The following ZNF423 variants were observed in gnomAD, a reference collection of about 807,000 sequenced individuals.
ZNF423 encodes Ebf-associated zinc finger protein.
ZNF423 carries 12 observed loss-of-function variants against 95.8 expected under a neutral mutation model. That is an observed-to-expected ratio of 0.13 (90% CI 0.08 to 0.20). ZNF423 has a LOEUF of 0.20. ZNF423 is among the 10% of genes least tolerant of loss of function. ZNF423 has a pLI of 1.00. For synonymous variants in ZNF423, 749 were observed against 711.9 expected, an observed-to-expected ratio of 1.05 and a Z score of -0.83; for missense variants, 1,316 against 1,737.1, an observed-to-expected ratio of 0.76 and a Z score of 4.31.
At chr16:49,538,507 TA>T in intron 5 of ZNF423, among the ~76,000 whole-genome samples, 1 of 152,326 alleles carries the variant, frequency 6.6e-6, no homozygotes, top group East Asian at 1.9e-4. Context: ...ACTGCCTGGA[TA>T]ATCCTCCCCA....
intron 1 of ZNF423, among the ~76,000 whole-genome samples, chr16:49,820,097 AATGGATGGACAG>A (rs941899110): frequency 2.6e-5 from 4 of 151,602 alleles, no homozygotes; most frequent in African/African-American, 9.7e-5. Context: ...TGGATGGATG[AATGGATGGACAG>A]ATGGATGGAC....
intron 1 of ZNF423, among the ~76,000 whole-genome samples, chr16:49,853,281 G>C (rs1292034296): frequency 8.0e-6 from 1 of 125,054 alleles, no homozygotes; most frequent in Non-Finnish European, 1.6e-5. Flanking sequence ...TTTGAATATT[G>C]CTTAAGAGAA....
At chr16:49,728,477 G>T (rs11644536) in intron 3 of ZNF423, among the ~76,000 whole-genome samples, 1 of 152,168 alleles carries the variant, frequency 6.6e-6, no homozygotes, top group Non-Finnish European at 1.5e-5. Flanking sequence ...GGTCCTGTTA[G>T]GAAGCGGGCA....
intron 3 of ZNF423, among the ~76,000 whole-genome samples, chr16:49,663,837 C>T (rs1466853946): frequency 6.6e-6 from 1 of 152,170 alleles, no homozygotes; most frequent in East Asian, 1.9e-4. Flanking sequence ...TGCCGCAGGG[C>T]CCCACCCAGG....
rs1567343726 is a variant in ZNF423, at chr16:49,789,476, C to CG, written c.100+10dup. 1.2e-6 allele frequency: 2 copies of CG among 1,611,258 alleles called. No homozygotes were observed. The highest frequency in any genetic ancestry group is 1.7e-4 in the Middle Eastern group (1 of 6,052). ...CCCCTGCAACTCTTCCACCAGCCCCCGGGCATTTACCTGCTGCTGTCACGG... is the reference window on the plus strand; with the variant it reads ...CCCCTGCAACTCTTCCACCAGCCCCCGGGGCATTTACCTGCTGCTGTCACGG... On this transcript the variant is annotated intron_variant, in intron 2 of 7. Transcript: ENST00000563137.
At chr16:49,671,415 C>T (rs1290631242) in intron 3 of ZNF423, among the ~76,000 whole-genome samples, 1 of 152,216 alleles carries the variant, frequency 6.6e-6, no homozygotes, top group Non-Finnish European at 1.5e-5. Context: ...CCATGAGGTC[C>T]CAAGCACGCG....
chr16:49,793,108 C>T (rs995917363), intron 1 of ZNF423, among the ~76,000 whole-genome samples: 4 of 151,990 alleles, frequency 2.6e-5, no homozygotes, highest in Non-Finnish European at 5.9e-5. Flanking sequence ...ACCCAACCCC[C>T]CACCACCCCC....
At chr16:49,706,142 A>T (rs1408810809) in intron 3 of ZNF423, among the ~76,000 whole-genome samples, 1 of 152,182 alleles carries the variant, frequency 6.6e-6, no homozygotes, top group Admixed American at 6.5e-5. Context: ...AGGGCCAGAC[A>T]TGACCACAAA....
chr16:49,725,975 C>G (rs1017162141), intron 3 of ZNF423, among the ~76,000 whole-genome samples: 2 of 152,218 alleles, frequency 1.3e-5, no homozygotes, highest in African/African-American at 4.8e-5. Context: ...TATTCCAAGG[C>G]AAGTGCCTGG....
chr16:49,636,942 A>G lies in ZNF423; in HGVS notation c.2234T>C (p.Val745Ala), dbSNP rs780565403. ...ATTGCTGTGCTTCACCGCCAGGTGC[A>G]CCTGGATGGACACCTTGGAGTCGAA... ...EVFDSKVSIQVHLAVKHSNEK... is the reference protein window; with the variant it reads ...EVFDSKVSIQAHLAVKHSNEK... Residue 745 changes from valine to alanine, a missense_variant, in exon 4 of 8, where the codon GTG becomes GCG. Val to Ala is a moderately conservative substitution (Grantham distance 64). Coordinates refer to ENST00000563137, the MANE Select transcript of ZNF423 (RefSeq NM_001379286.1). The surrounding 1 kb of genome is among the most constrained non-coding windows in gnomAD (Gnocchi z 8.6). 3 of 1,613,648 alleles carry G rather than the reference A, an allele frequency of 1.9e-6. No individual in the cohort carries two copies. The highest frequency in any genetic ancestry group is 2.5e-6 in the Non-Finnish European group (3 of 1,179,992).
At chr16:49,589,272 A>T (rs190737989) in intron 5 of ZNF423, among the ~76,000 whole-genome samples, 2 of 152,264 alleles carry the variant, frequency 1.3e-5, no homozygotes, top group African/African-American at 4.8e-5. Flanking sequence ...TCAGACAAAG[A>T]GATAAGACAA....
rs544393672 is a variant in ZNF423, at chr16:49,589,743, A to T, written c.3601+36427T>A. 1.7e-4 allele frequency among the ~76,000 whole-genome samples: 26 copies of T among 152,202 alleles called. No homozygotes were observed. The East Asian group carries it at 4.8e-3, about 28-fold the overall frequency. On this transcript the variant is annotated intron_variant, in intron 5 of 7. Coordinates refer to ENST00000563137, the MANE Select transcript of ZNF423 (RefSeq NM_001379286.1). ...CAACATCGTCTCTGTTAGGACTTTT[A>T]ATGAAGCCCCAGTTGTGATGACACT... is the stretch of plus-strand genomic sequence containing the variant.
chr16:49,677,561 G>T (rs1198293827), intron 3 of ZNF423, among the ~76,000 whole-genome samples: 1 of 152,008 alleles, frequency 6.6e-6, no homozygotes, highest in Non-Finnish European at 1.5e-5. Context: ...GAGGCAGGAG[G>T]ATTGCTTGAG....
At chr16:49,853,919 T>C in intron 1 of ZNF423, 2 of 985,378 alleles carry the variant, frequency 2.0e-6, no homozygotes, top group Non-Finnish European at 2.4e-6. Context: ...ACTGCCTGAG[T>C]TAAATAAAAC....
At chr16:49,626,802 A>C (rs1393766490) in intron 4 of ZNF423, among the ~76,000 whole-genome samples, 6 of 132,086 alleles carry the variant, frequency 4.5e-5, no homozygotes, top group African/African-American at 8.4e-5. Context: ...ATCCATCCAT[A>C]TACCCATCCA....
At chr16:49,819,215 A>G (rs536842756) in intron 1 of ZNF423, among the ~76,000 whole-genome samples, 2 of 135,436 alleles carry the variant, frequency 1.5e-5, no homozygotes, top group African/African-American at 5.7e-5. Flanking sequence ...GTGCCACTGC[A>G]CTCCAGCCTG....
At chr16:49,831,579 A>T (rs905817613) in intron 1 of ZNF423, among the ~76,000 whole-genome samples, 1 of 152,204 alleles carries the variant, frequency 6.6e-6, no homozygotes, top group Non-Finnish European at 1.5e-5. Context: ...ACTCCCAGTG[A>T]CTTCCCAAGG....
intron 1 of ZNF423, among the ~76,000 whole-genome samples, chr16:49,841,543 T>C (rs1056862928): frequency 7.2e-5 from 11 of 152,162 alleles, no homozygotes; most frequent in African/African-American, 2.7e-4. Flanking sequence ...GGCTAGCTAC[T>C]CTTGGTGTTG....
intron 1 of ZNF423, among the ~76,000 whole-genome samples, chr16:49,819,771 T>C (rs1021518011): frequency 6.6e-6 from 1 of 152,176 alleles, no homozygotes; most frequent in Non-Finnish European, 1.5e-5. Context: ...GTCCCTGACT[T>C]AAAGTGTTTA....
Sources: allele counts gnomAD v4.1 joint callset (sites outside exome capture counted in the v4.1 genomes callset), GRCh38; gene constraint gnomAD v4.1.1; non-coding constraint Gnocchi (gnomAD v3.1); transcripts MANE v1.5; gene names NCBI Gene and HGNC (gene_info 2026-07-23, HGNC 2026-07-21).